Variants in ARK2N observed in about 807,000 individuals in gnomAD.
ARK2N encodes arkadia (RNF111) N-terminal like PKA signaling regulator 2N.
the ARK2N span, among the ~76,000 whole-genome samples, chr18:46,236,731 T>C: frequency 6.6e-6 from 1 of 152,246 alleles, no homozygotes; most frequent in Non-Finnish European, 1.5e-5. Context: ...GCAGTTGTTT[T>C]AGTAGCATAG....
At chr18:46,191,500 C>T in the ARK2N span, among the ~76,000 whole-genome samples, 1 of 151,868 alleles carries the variant, frequency 6.6e-6, no homozygotes, top group Non-Finnish European at 1.5e-5. Flanking sequence ...TATTAAAGTT[C>T]GTAGTTAACA....
the ARK2N span, among the ~76,000 whole-genome samples, chr18:46,256,842 C>A: frequency 5.3e-4 from 80 of 152,272 alleles, 1 homozygote; most frequent in East Asian, 0.014. Context: ...TTTCCCTCAG[C>A]AGCTTCTGTA....
At chr18:46,234,697 A>G in the ARK2N span, among the ~76,000 whole-genome samples, 2 of 151,582 alleles carry the variant, frequency 1.3e-5, no homozygotes, top group Non-Finnish European at 2.9e-5. Flanking sequence ...AAGGTGTAAG[A>G]TTTTTTGCTT....
the ARK2N span, among the ~76,000 whole-genome samples, chr18:46,248,444 G>A: frequency 1.3e-5 from 2 of 152,164 alleles, no homozygotes; most frequent in African/African-American, 4.8e-5. Context: ...GATGATCCCA[G>A]GTGCTTATAT....
chr18:46,175,187 C>G, the ARK2N span, among the ~76,000 whole-genome samples: 4 of 137,858 alleles, frequency 2.9e-5, no homozygotes, highest in Non-Finnish European at 6.2e-5. Flanking sequence ...TAGAGAACAT[C>G]GGTACGAGCC....
At chr18:46,205,471 G>A in the ARK2N span, among the ~76,000 whole-genome samples, 2 of 152,132 alleles carry the variant, frequency 1.3e-5, no homozygotes, top group East Asian at 1.9e-4. Context: ...AGCGCATTTC[G>A]AGAAGGAATG....
the ARK2N span, among the ~76,000 whole-genome samples, chr18:46,246,594 C>A: frequency 7.9e-6 from 1 of 126,354 alleles, no homozygotes; most frequent in Non-Finnish European, 1.8e-5. Flanking sequence ...GCACCCCCAT[C>A]ACTTTCTCAT....
the ARK2N span, among the ~76,000 whole-genome samples, chr18:46,207,812 C>T: frequency 6.6e-6 from 1 of 152,202 alleles, no homozygotes; most frequent in African/African-American, 2.4e-5. Flanking sequence ...TCACAGCACT[C>T]TTGGATTCTA....
At chr18:46,264,807 C>T in the ARK2N span, 1 of 141,458 alleles carries the variant, frequency 7.1e-6, no homozygotes, top group Non-Finnish European at 1.5e-5. Flanking sequence ...CCTGTATGTT[C>T]CTTCTTCCAC....
the ARK2N span, among the ~76,000 whole-genome samples, chr18:46,241,607 G>C: frequency 6.6e-6 from 1 of 151,638 alleles, no homozygotes; most frequent in Non-Finnish European, 1.5e-5. Context: ...GGTGGGCGTG[G>C]TGGTGGGCGC....
chr18:46,182,837 T>C, the ARK2N span, among the ~76,000 whole-genome samples: 1 of 152,222 alleles, frequency 6.6e-6, no homozygotes, highest in African/African-American at 2.4e-5. Context: ...ACCTTTGACC[T>C]ATTTATAGAG....
At chr18:46,207,864 C>G in the ARK2N span, among the ~76,000 whole-genome samples, 1 of 152,178 alleles carries the variant, frequency 6.6e-6, no homozygotes, top group African/African-American at 2.4e-5. Context: ...TTTCAACATT[C>G]TTTGGCTCTG....
At chr18:46,200,066 TTGTGTGTGTGTGTGTGTGTGTG>T in the ARK2N span, among the ~76,000 whole-genome samples, 19 of 150,086 alleles carry the variant, frequency 1.3e-4, no homozygotes, top group African/African-American at 4.7e-4. Flanking sequence ...AAATTCTTTA[TTGTGTGTGTGTGTGTGTGTGTG>T]TGTGCGCGCG....
chr18:46,188,937 G>T, the ARK2N span, among the ~76,000 whole-genome samples: 1 of 152,080 alleles, frequency 6.6e-6, no homozygotes, highest in Non-Finnish European at 1.5e-5. Flanking sequence ...AGTTGACCGG[G>T]TGCGGGGTGG....
chr18:46,266,119 T>G, the ARK2N span: 1 of 152,248 alleles, frequency 6.6e-6, no homozygotes, highest in South Asian at 2.1e-4. Flanking sequence ...CAATCAAACA[T>G]CCCATAAACT....
chr18:46,255,201 T>C, the ARK2N span, among the ~76,000 whole-genome samples: 1 of 151,970 alleles, frequency 6.6e-6, no homozygotes, highest in Non-Finnish European at 1.5e-5. Flanking sequence ...TAAGTATACT[T>C]TGAGAGCATT....
the ARK2N span, among the ~76,000 whole-genome samples, chr18:46,203,210 C>T: frequency 6.6e-6 from 1 of 152,228 alleles, no homozygotes; most frequent in South Asian, 2.1e-4. Context: ...GAATGCGTTG[C>T]TCATGATGTC....
chr18:46,210,925 A>AC, the ARK2N span, among the ~76,000 whole-genome samples: 1 of 151,772 alleles, frequency 6.6e-6, no homozygotes, highest in South Asian at 2.1e-4. Context: ...AAAAAAAAAA[A>AC]AGAACTCACG....
chr18:46,204,629 G>C, the ARK2N span, among the ~76,000 whole-genome samples: 2 of 152,176 alleles, frequency 1.3e-5, no homozygotes, highest in African/African-American at 4.8e-5. Context: ...TTAGCTGCTT[G>C]TGTTTCTTAC....
Sources: gnomAD v4.1 joint callset for allele counts (sites outside exome capture counted in the v4.1 genomes callset) on GRCh38, gnomAD v4.1.1 for gene constraint, MANE v1.5 for transcripts, NCBI Gene and HGNC (gene_info 2026-07-23, HGNC 2026-07-21) for gene names.